The following BICRAL variants were observed in gnomAD, a reference collection of about 807,000 sequenced individuals.
BICRAL encodes BICRA like chromatin remodeling complex associated protein.
A neutral mutation model predicts 91.8 loss-of-function variants in BICRAL; 8 were observed. The ratio of observed to expected loss-of-function variants is 0.09; its 90% CI spans 0.05 to 0.16. The LOEUF is 0.16. Ranked by LOEUF, BICRAL falls within the 10% of genes least tolerant of loss-of-function variation. The pLI is 1.00. For synonymous variants in BICRAL, 445 were observed against 491.1 expected, an observed-to-expected ratio of 0.91 and a Z score of 1.24; for missense variants, 1,038 against 1,310.9, an observed-to-expected ratio of 0.79 and a Z score of 3.21.
Position 42,829,551 on chromosome 6 carries a change from C to T in BICRAL, c.1218C>T (p.Ser406=). The change falls in exon 6 of 13, where the codon AGC becomes AGT. Residue 406 remains serine (S), a synonymous_variant. Coordinates refer to ENST00000314073, the MANE Select transcript of BICRAL (RefSeq NM_001393499.1). ...APQSQFLIPT[S]LSVSSNSVHH... ...AAAGTCAGTTCCTTATACCTACAAG[C>T]CTTTCTGTCAGTTCCAACTCGGTAC... 6.2e-7 allele frequency: 1 copy of T among 1,614,190 alleles called. No homozygotes were observed. Among genetic ancestry groups the T allele is most frequent in the Non-Finnish European group, 8.5e-7 (1 of 1,180,028 alleles).
At chr6:42,847,891 A>G (rs1765065733) in intron 6 of BICRAL, among the ~76,000 whole-genome samples, 1 of 152,138 alleles carries the variant, frequency 6.6e-6, no homozygotes, top group Non-Finnish European at 1.5e-5. Context: ...GCACTTTGGA[A>G]GGCCGAGGCG....
At chr6:42,847,432 A>G (rs1323744087) in intron 6 of BICRAL, among the ~76,000 whole-genome samples, 1 of 152,120 alleles carries the variant, frequency 6.6e-6, no homozygotes, top group Non-Finnish European at 1.5e-5. Flanking sequence ...TGTTGATACA[A>G]TCATGGGATT....
At chr6:42,836,574 C>T (rs1002440783) in intron 6 of BICRAL, among the ~76,000 whole-genome samples, 41 of 150,928 alleles carry the variant, frequency 2.7e-4, no homozygotes, top group South Asian at 8.3e-4. Flanking sequence ...TTTAAATTCC[C>T]GGGACACCCA....
In BICRAL at chr6:42,866,399, T is replaced by C; in HGVS notation, c.*953T>C. On this transcript the variant is annotated 3_prime_UTR_variant, in exon 13 of 13. Transcript: ENST00000314073. ...ATAATTGGATATAGTCAACATATAA[T>C]GTATGTTTTTGTTTGTTGCTGGATT... The C allele has an allele frequency of 5.5e-6, 1 of 180,830 alleles. No individual in the cohort carries two copies. The highest frequency in any genetic ancestry group is 1.2e-5 in the Non-Finnish European group (1 of 84,276). 11.2% of individuals were successfully genotyped at this position (180,830 alleles called of 1,614,324 possible).
chr6:42,793,477 A>G (rs1476031301), intron 1 of BICRAL, among the ~76,000 whole-genome samples: 1 of 149,442 alleles, frequency 6.7e-6, no homozygotes. Flanking sequence ...TTTAGTAGAG[A>G]TGGGGTTTCA....
chr6:42,756,386 A>G (rs1232912966), intron 1 of BICRAL, among the ~76,000 whole-genome samples: 2 of 152,120 alleles, frequency 1.3e-5, no homozygotes, highest in Non-Finnish European at 2.9e-5. Context: ...CCTTAAATAT[A>G]AGTGAGGCCA....
intron 1 of BICRAL, among the ~76,000 whole-genome samples, chr6:42,753,300 G>A (rs1219180605): frequency 6.6e-6 from 1 of 152,096 alleles, no homozygotes; most frequent in Non-Finnish European, 1.5e-5. Context: ...TTGGCTTCAA[G>A]GGATCCTCCT....
chr6:42,792,755 A>G (rs534253352), intron 1 of BICRAL, among the ~76,000 whole-genome samples: 1 of 151,922 alleles, frequency 6.6e-6, no homozygotes, highest in Non-Finnish European at 1.5e-5. Flanking sequence ...TCTACTAAAA[A>G]TACAAAAATT....
intron 1 of BICRAL, among the ~76,000 whole-genome samples, chr6:42,747,718 A>AG (rs1762302045): frequency 6.7e-6 from 1 of 149,904 alleles, no homozygotes; most frequent in African/African-American, 2.5e-5. Flanking sequence ...AATGGTGCTT[A>AG]CTCTTGTGCA....
At position 42,844,508 on chromosome 6, in the gene BICRAL, C is replaced by CAAAAAAAA. The variant is rs34115804; in HGVS notation, c.1840-7554_1840-7547dup. ...TGGGCTACAGAGCAAGACTCCATCT[C>CAAAAAAAA]AAAAAAAAAAAAAAAAAAAAAAAAA... On this transcript the variant is annotated intron_variant, in intron 6 of 12. Transcript: ENST00000314073. 2.2e-4 allele frequency among the ~76,000 whole-genome samples: 7 copies of CAAAAAAAA among 31,438 alleles called. 1 individual carries two copies. Among genetic ancestry groups the CAAAAAAAA allele is most frequent in the South Asian group, 4.7e-3 (2 of 430 alleles). 20.6% of individuals were successfully genotyped at this position (31,438 alleles called of 152,430 possible).
intron 1 of BICRAL, among the ~76,000 whole-genome samples, chr6:42,762,665 C>G (rs1321985888): frequency 6.6e-6 from 1 of 152,166 alleles, no homozygotes; most frequent in Non-Finnish European, 1.5e-5. Context: ...CAATAATTAT[C>G]TAGCTGGGTG....
rs35332872 is a variant in BICRAL, at chr6:42,793,296, A to ATTTTTTTTTTTTTTTTTTT, written c.-102+11206_-102+11224dup. ...GTAGCTGGGATTACAGACCCAGCTAATTTTTTTTTTTTTTTTTTTTTTTTT... is the reference window on the plus strand; with the variant it reads ...GTAGCTGGGATTACAGACCCAGCTAATTTTTTTTTTTTTTTTTTTTTTTTTTTTTTTTTTTTTTTTTTTT... On this transcript the variant is annotated intron_variant, in intron 1 of 12. Coordinates refer to ENST00000314073, the MANE Select transcript of BICRAL (RefSeq NM_001393499.1). Among the ~76,000 whole-genome samples the ATTTTTTTTTTTTTTTTTTT allele has an allele frequency of 4.4e-4, 10 of 22,974 alleles. 1 individual carries two copies. The highest frequency in any genetic ancestry group is 5.1e-4 in the Non-Finnish European group (7 of 13,842). The allele number at this position is 22,974 out of a possible 152,430, so 15.1% of individuals were successfully genotyped here.
At chr6:42,804,066 A>C (rs572727035) in intron 1 of BICRAL, among the ~76,000 whole-genome samples, 16 of 152,356 alleles carry the variant, frequency 1.1e-4, no homozygotes, top group Non-Finnish European at 2.1e-4. Flanking sequence ...CTTGTTGCCC[A>C]GGCTGGAGTG....
chr6:42,789,538 A>G (rs189774182), intron 1 of BICRAL, among the ~76,000 whole-genome samples: 2,365 of 151,668 alleles, frequency 0.016, 78 homozygotes, highest in African/African-American at 0.054. Context: ...GCTACTCAGG[A>G]GGCTGAGGCA....
At chr6:42,758,010 C>T (rs1023377965) in intron 1 of BICRAL, among the ~76,000 whole-genome samples, 7 of 152,168 alleles carry the variant, frequency 4.6e-5, no homozygotes, top group African/African-American at 1.7e-4. Flanking sequence ...GACACCAAAT[C>T]CATAGTCTTC....
intron 1 of BICRAL, among the ~76,000 whole-genome samples, chr6:42,802,794 T>A (rs923053272): frequency 6.6e-5 from 10 of 151,962 alleles, no homozygotes; most frequent in Admixed American, 5.9e-4. Flanking sequence ...TTGCCCAGAC[T>A]GGTCTTGAAC....
intron 1 of BICRAL, among the ~76,000 whole-genome samples, chr6:42,783,804 C>A (rs539376322): frequency 6.6e-6 from 1 of 152,218 alleles, no homozygotes; most frequent in Admixed American, 6.5e-5. Context: ...CCCGCACCCC[C>A]ACTCCTCCCA....
intron 1 of BICRAL, among the ~76,000 whole-genome samples, chr6:42,783,792 A>G (rs946935256): frequency 2.6e-5 from 4 of 151,824 alleles, no homozygotes; most frequent in African/African-American, 9.7e-5. Context: ...TCCCTCCCTG[A>G]CCCCGCACCC....
chr6:42,814,585 G>A (rs1763932946), intron 2 of BICRAL, among the ~76,000 whole-genome samples: 3 of 138,856 alleles, frequency 2.2e-5, no homozygotes, highest in East Asian at 2.1e-4. Flanking sequence ...TCAGTGGCAC[G>A]ATCTTGGCTC....
Sources: gnomAD v4.1 joint callset for allele counts (sites outside exome capture counted in the v4.1 genomes callset) on GRCh38, gnomAD v4.1.1 for gene constraint, MANE v1.5 for transcripts, NCBI Gene and HGNC (gene_info 2026-07-23, HGNC 2026-07-21) for gene names.